PPARGC1A: variants seen among roughly 807,000 people sequenced by gnomAD.
PPARGC1A encodes the protein PPARG coactivator 1 alpha.
In PPARGC1A, 25 loss-of-function variants were observed where a neutral mutation model predicts 88.7. The ratio of observed to expected loss-of-function variants is 0.28; its 90% confidence interval spans 0.21 to 0.39. The LOEUF is 0.39. Among genes scored for constraint, PPARGC1A ranks in the 10% least tolerant of loss-of-function variants. PPARGC1A has a pLI of 1.00. For missense variants in PPARGC1A, 880 were observed against 968.7 expected, an observed-to-expected ratio of 0.91 and a Z score of 1.22; for synonymous variants, 363 against 355.6, an observed-to-expected ratio of 1.02 and a Z score of -0.24.
At chr4:24,250,364 C>T in the PPARGC1A span, among the ~76,000 whole-genome samples, 1 of 152,256 alleles carries the variant, frequency 6.6e-6, no homozygotes, top group East Asian at 1.9e-4. Context: ...AATTTAAAAG[C>T]CTAAGCATGG....
At chr4:24,395,487 C>A in the PPARGC1A span, among the ~76,000 whole-genome samples, 1 of 152,114 alleles carries the variant, frequency 6.6e-6, no homozygotes, top group Admixed American at 6.5e-5. Context: ...CAATGTACAA[C>A]CCCAGATTCA....
the PPARGC1A span, among the ~76,000 whole-genome samples, chr4:24,217,761 C>A: frequency 1.3e-5 from 2 of 152,110 alleles, no homozygotes; most frequent in African/African-American, 4.8e-5. Flanking sequence ...CAAGAGTGTG[C>A]CCCTGCACTC....
the PPARGC1A span, among the ~76,000 whole-genome samples, chr4:24,383,638 T>C: frequency 6.6e-6 from 1 of 152,100 alleles, no homozygotes; most frequent in Admixed American, 6.6e-5. Context: ...AGATTGAAGA[T>C]TAACTTAATG....
At chr4:24,414,595 A>C in the PPARGC1A span, among the ~76,000 whole-genome samples, 1 of 152,190 alleles carries the variant, frequency 6.6e-6, no homozygotes, top group Non-Finnish European at 1.5e-5. Flanking sequence ...ATTTAAAAAT[A>C]CTGAGTCCTG....
At chr4:24,167,687 G>A in the PPARGC1A span, among the ~76,000 whole-genome samples, 3 of 152,106 alleles carry the variant, frequency 2.0e-5, no homozygotes, top group Non-Finnish European at 4.4e-5. Flanking sequence ...ACCAAAAAGA[G>A]TACAACTTGC....
At chr4:23,862,840 T>G (rs1302701032) in intron 2 of PPARGC1A, among the ~76,000 whole-genome samples, 5 of 152,162 alleles carry the variant, frequency 3.3e-5, no homozygotes, top group African/African-American at 1.2e-4. Context: ...ATTTGCCAAA[T>G]AAACAATGTT....
At chr4:23,889,564 C>T (rs1717495973) in intron 1 of PPARGC1A, among the ~76,000 whole-genome samples, 1 of 152,130 alleles carries the variant, frequency 6.6e-6, no homozygotes, top group Admixed American at 6.6e-5. Flanking sequence ...GGCCACTAAA[C>T]ACCACTGGAA....
chr4:23,895,261 A>C (rs996216140), intron 1 of PPARGC1A, among the ~76,000 whole-genome samples: 6 of 151,598 alleles, frequency 4.0e-5, no homozygotes, highest in Non-Finnish European at 1.5e-5. Context: ...GAGAAACAAA[A>C]CAAAACTGTA....
the PPARGC1A span, among the ~76,000 whole-genome samples, chr4:24,168,826 TAAGTG>T: frequency 6.6e-6 from 1 of 152,310 alleles, no homozygotes; most frequent in Non-Finnish European, 1.5e-5. Context: ...ATTGAATAAA[TAAGTG>T]AATTAGGAAA....
the PPARGC1A span, among the ~76,000 whole-genome samples, chr4:24,435,798 T>A: frequency 2.3e-4 from 35 of 152,350 alleles, no homozygotes; most frequent in African/African-American, 8.4e-4. Context: ...GACAAATCAC[T>A]TGCCCTAAAC....
chr4:23,878,608 T>C (rs1261502856), intron 2 of PPARGC1A, among the ~76,000 whole-genome samples: 1 of 152,154 alleles, frequency 6.6e-6, no homozygotes, highest in Non-Finnish European at 1.5e-5. Flanking sequence ...ATAAGCCAGA[T>C]GTTATCAAGC....
chr4:24,008,756 C>T, the PPARGC1A span, among the ~76,000 whole-genome samples: 1 of 151,926 alleles, frequency 6.6e-6, no homozygotes, highest in East Asian at 1.9e-4. Context: ...AGAAGGGCAG[C>T]AAACAAAAGC....
At chr4:23,831,416 G>C (rs1577430836) in intron 3 of PPARGC1A, 141 bp downstream of exon 3, 1 of 661,296 alleles carries the variant, frequency 1.5e-6, no homozygotes, top group African/African-American at 1.8e-5. Flanking sequence ...CACACAATTT[G>C]CAACTCTGAG....
the PPARGC1A span, among the ~76,000 whole-genome samples, chr4:24,428,596 C>T: frequency 6.6e-6 from 1 of 152,212 alleles, no homozygotes; most frequent in Non-Finnish European, 1.5e-5. Context: ...AAGCTGGATG[C>T]ATGTCTACCT....
the PPARGC1A span, among the ~76,000 whole-genome samples, chr4:23,995,921 G>A: frequency 6.6e-6 from 1 of 152,142 alleles, no homozygotes; most frequent in Non-Finnish European, 1.5e-5. Flanking sequence ...GAATGCTTCA[G>A]AAGAAAAAGT....
chr4:24,447,407 G>T, the PPARGC1A span, among the ~76,000 whole-genome samples: 1 of 152,178 alleles, frequency 6.6e-6, no homozygotes. Flanking sequence ...CAGGGATGCG[G>T]CACTGGAGCT....
the PPARGC1A span, among the ~76,000 whole-genome samples, chr4:24,313,841 C>A: frequency 1.3e-5 from 2 of 151,946 alleles, no homozygotes; most frequent in Non-Finnish European, 2.9e-5. Context: ...TTGCTCACTG[C>A]AAGATTATTT....
the PPARGC1A span, among the ~76,000 whole-genome samples, chr4:23,919,043 G>A: frequency 6.6e-6 from 1 of 151,918 alleles, no homozygotes; most frequent in Non-Finnish European, 1.5e-5. Flanking sequence ...TATCCATACT[G>A]CACCTTCTAG....
the PPARGC1A span, among the ~76,000 whole-genome samples, chr4:24,109,036 C>CACCA: frequency 7.5e-4 from 97 of 128,686 alleles, no homozygotes; most frequent in East Asian, 0.019. Flanking sequence ...CACACACACA[C>CACCA]CACACACACA....
Sources: gnomAD v4.1 joint callset for allele counts (sites outside exome capture counted in the v4.1 genomes callset) on GRCh38, gnomAD v4.1.1 for gene constraint, MANE v1.5 for transcripts, NCBI Gene and HGNC (gene_info 2026-07-23, HGNC 2026-07-21) for gene names.